CHADL: variants seen among roughly 807,000 people sequenced by gnomAD.
CHADL encodes the protein chondroadherin like.
In CHADL, 48 loss-of-function variants were observed where a neutral mutation model predicts 52.1. The observed-to-expected ratio is 0.92, with a 90% CI of 0.73 to 1.17. The LOEUF is 1.17. Among genes scored for constraint, CHADL ranks in the 50% most tolerant of loss-of-function variants. The pLI, the probability that CHADL is intolerant of heterozygous loss-of-function variation, is 0.00. For synonymous variants in CHADL, 498 were observed against 511.2 expected, an observed-to-expected ratio of 0.97 and a Z score of 0.35; for missense variants, 977 against 1,035.1, an observed-to-expected ratio of 0.94 and a Z score of 0.77.
intron 5 of CHADL, chr22:41,230,082 C>T: frequency 2.6e-6 from 2 of 767,448 alleles, no homozygotes; most frequent in Non-Finnish European, 2.1e-6. Context: ...CTCCTCCGCC[C>T]CCACCCCTCC....
At position 41,237,469 on chromosome 22, in the gene CHADL, G is replaced by C. The variant is rs778853105; in HGVS notation, c.1603C>G (p.Arg535Gly). Residue 535 changes from arginine to glycine, a missense_variant, in exon 3 of 6, where the codon CGC (arginine) becomes GGC (glycine). Transcript: ENST00000216241. Reference sequence around the variant, plus strand: ...CTCCCCAGGTCCCCAGGTGCCAGGCGGTCCACAGCGTTGTCCTGCAGGTGC... The same window carrying C: ...CTCCCCAGGTCCCCAGGTGCCAGGCCGTCCACAGCGTTGTCCTGCAGGTGC... ...SLHLQDNAVD[R>G]LAPGDLGRTR... The C allele has an allele frequency of 2.6e-6, 4 of 1,550,384 alleles. No homozygotes were observed. In the African/African-American group the frequency reaches 4.1e-5, roughly 16 times the overall value.
chr22:41,239,602 A>G lies in CHADL; in HGVS notation c.27T>C (p.His9=), dbSNP rs2032825171. 2 of 1,538,306 alleles carry G rather than the reference A, an allele frequency of 1.3e-6. No individual in the cohort carries two copies. Among genetic ancestry groups the G allele is most frequent in the Non-Finnish European group, 1.8e-6 (2 of 1,140,486 alleles). Residue 9 remains histidine, a synonymous_variant, in exon 2 of 6, where the codon CAT becomes CAC. Transcript: ENST00000216241. MEGPRSST[H]VPLVLPLLVL... is the part of the protein sequence containing the mutation. ...CAAGAAGCGGCAGCACCAAGGGGAC[A>G]TGGGTGGAGCTCCGGGGCCTGGGAC... is the stretch of plus-strand genomic sequence containing the variant.
At position 41,236,618 on chromosome 22, in the gene CHADL, G is replaced by A. The variant is rs764463707; in HGVS notation, c.1929C>T (p.Pro643=). 1.8e-5 allele frequency: 28 copies of A among 1,550,148 alleles called. No homozygotes were observed. The highest frequency in any genetic ancestry group is 2.4e-5 in the Non-Finnish European group (28 of 1,146,960). ...ICPGAFSGLG[P]GLQSLHLQKN... ...TCTGCAGGTGCAGGCTCTGGAGCCC[G>A]GGCCCCAGGCCTGAAAAGGCCCCAG... Residue 643 remains proline (P), a synonymous_variant, in exon 4 of 6, where the codon CCC becomes CCT. Transcript: ENST00000216241.
At chr22:41,233,435 C>T (rs929019892) in intron 5 of CHADL, among the ~76,000 whole-genome samples, 4 of 151,910 alleles carry the variant, frequency 2.6e-5, no homozygotes, top group African/African-American at 7.3e-5. Flanking sequence ...GCACTCCAGC[C>T]TGGGCAACAA....
At chr22:41,230,401 C>G in intron 5 of CHADL, 1 of 638,802 alleles carries the variant, frequency 1.6e-6, no homozygotes, top group Non-Finnish European at 2.8e-6. Flanking sequence ...GGTGGAGGAC[C>G]TGCTGGGGTC....
Position 41,235,311 on chromosome 22 carries a change from GC to G in CHADL, c.2095del (p.Ala699ProfsTer14), listed in dbSNP as rs1175084450. 1.3e-6 allele frequency: 2 copies of G among 1,550,928 alleles called. No individual in the cohort carries two copies. Among genetic ancestry groups the G allele is most frequent in the African/African-American group, 2.7e-5 (2 of 73,174 alleles). ...WLTGLNLRVG[A>X]TCATPPNARG... The stretch of plus-strand genomic sequence containing the variant: ...GGCATTGGGAGGGGTGGCGCAGGTG[GC>G]CCCCACCCGCAGGTTCAGCCCAGTA... On this transcript the variant is annotated frameshift_variant, in exon 5 of 6. Coordinates refer to ENST00000216241, the MANE Select transcript of CHADL (RefSeq NM_138481.2). LOFTEE classifies it high-confidence loss of function.
At position 41,235,419 on chromosome 22, in the gene CHADL, G is replaced by A; in HGVS notation, c.2064-76C>T. On this transcript the variant is annotated intron_variant, in intron 4 of 5. Coordinates refer to ENST00000216241, the MANE Select transcript of CHADL (RefSeq NM_138481.2). Reference sequence around the variant, plus strand: ...GGCCTGGAGCAGGTGGGCACTGGGTGTGGGGCAGGGTTGGTGCAGAAGGCA... The same window carrying A: ...GGCCTGGAGCAGGTGGGCACTGGGTATGGGGCAGGGTTGGTGCAGAAGGCA... 5.8e-6 allele frequency: 7 copies of A among 1,204,984 alleles called. No individual in the cohort carries two copies. The South Asian group carries it at 8.1e-5, about 14-fold the overall frequency. 74.6% of individuals were successfully genotyped at this position (1,204,984 alleles called of 1,614,324 possible).
rs774171592 is a variant in CHADL at position 41,236,580 on chromosome 22, C to G, written c.1967G>C (p.Arg656Pro). The change falls in exon 4 of 6, where the codon CGG (arginine) becomes CCG (proline). Residue 656 changes from arginine (R) to proline (P), a missense_variant. Transcript: ENST00000216241. ...QSLHLQKNQLRALPALPSLSQ... is the reference protein window; with the variant it reads ...QSLHLQKNQLPALPALPSLSQ... ...GAGACTGGGCAGGGCAGGCAGGGCC[C>G]GAAGCTGGTTCTTCTGCAGGTGCAG... 3.2e-6 allele frequency: 5 copies of G among 1,551,098 alleles called. No individual in the cohort carries two copies. The highest frequency in any genetic ancestry group is 4.9e-5 in the East Asian group (2 of 40,910).
In CHADL at chr22:41,238,990, AT is replaced by A; in HGVS notation, c.187-106del. 7.2e-7 allele frequency: 1 copy of A among 1,388,258 alleles called. No individual in the cohort carries two copies. Among genetic ancestry groups the A allele is most frequent in the Non-Finnish European group, 9.5e-7 (1 of 1,050,964 alleles). 86.0% of individuals were successfully genotyped at this position (1,388,258 alleles called of 1,614,324 possible). ...TCTTTTCTCCTGTCACCTTTCCCAT[AT>A]TTCTCTTCATCCGACCCCTGACACC... On this transcript the variant is annotated intron_variant, in intron 2 of 5. Transcript: ENST00000216241. This position sits in a 1 kb window ranked among gnomAD's most constrained non-coding sequence, Gnocchi z 4.9.
intron 5 of CHADL, among the ~76,000 whole-genome samples, chr22:41,232,129 G>A (rs563489739): frequency 5.9e-5 from 9 of 151,582 alleles, no homozygotes; most frequent in Admixed American, 2.6e-4. Context: ...TCAGGAGATC[G>A]AGACCATCCT....
In CHADL at chr22:41,238,747, G is replaced by A. The variant is rs772745296; in HGVS notation, c.325C>T (p.Leu109=). 22 of 1,548,838 alleles carry A rather than the reference G, an allele frequency of 1.4e-5. 1 individual carries two copies. Among genetic ancestry groups the A allele is most frequent in the South Asian group, 1.2e-5 (1 of 84,026 alleles). Residue 109 remains leucine (L), a synonymous_variant, in exon 3 of 6, where the codon CTG becomes TTG. Transcript: ENST00000216241. This position sits in a 1 kb window ranked among gnomAD's most constrained non-coding sequence, Gnocchi z 4.9. ...ELVAEGAFRG[L]GRLLLLNLAS... ...AGGTTGAGCAGGAGCAGGCGGCCCA[G>A]GCCACGGAAGGCGCCCTCGGCCACC...
At chr22:41,230,115 C>T (rs370692123) in intron 5 of CHADL, 5 of 1,250,246 alleles carry the variant, frequency 4.0e-6, no homozygotes, top group African/African-American at 3.0e-5. Context: ...CTCGCCCACC[C>T]ACCCGCCTCC....
At position 41,237,903 on chromosome 22, in the gene CHADL, TC is replaced by T; in HGVS notation, c.1168del (p.Glu390SerfsTer43). 2 of 1,343,398 alleles carry T rather than the reference TC, an allele frequency of 1.5e-6. No homozygotes were observed. The highest frequency in any genetic ancestry group is 1.9e-6 in the Non-Finnish European group (2 of 1,053,864). 83.2% of individuals were successfully genotyped at this position (1,343,398 alleles called of 1,614,324 possible). A position where few individuals can be genotyped will look rare whatever the true frequency, so the allele number is the denominator to read the frequency against. ...PRGPPRGPGE[E>X]RAVAPCPRAC... ...GCGAGGGCAAGGCGCGACTGCCCGC[TC>T]CTCCCCGGGGCCGCGCGGAGGGCCG... On this transcript the variant is annotated frameshift_variant, in exon 3 of 6. Coordinates refer to ENST00000216241, the MANE Select transcript of CHADL (RefSeq NM_138481.2). LOFTEE classifies it high-confidence loss of function.
In CHADL at chr22:41,238,023, A is replaced by C; in HGVS notation, c.1049T>G (p.Leu350Arg). Residue 350 changes from leucine to arginine, a missense_variant, in exon 3 of 6, where the codon CTG becomes CGG. Coordinates refer to ENST00000216241, the MANE Select transcript of CHADL (RefSeq NM_138481.2). This position sits in a 1 kb window ranked among gnomAD's most constrained non-coding sequence, Gnocchi z 4.9. ...RRLRGEALDALRPWDLRCPGD... is the reference protein window; with the variant it reads ...RRLRGEALDARRPWDLRCPGD... The stretch of plus-strand genomic sequence containing the variant: ...AGGGCAGCGCAGGTCCCAGGGCCGC[A>C]GGGCGTCCAGAGCCTCGCCCCGCAG... The C allele has an allele frequency of 7.8e-7, 1 of 1,283,256 alleles. No homozygotes were observed. Among genetic ancestry groups the C allele is most frequent in the Non-Finnish European group, 9.8e-7 (1 of 1,021,604 alleles). The allele number at this position is 1,283,256 out of a possible 1,614,324, so 79.5% of individuals were successfully genotyped here.
At position 41,238,963 on chromosome 22, in the gene CHADL, A is replaced by T. The variant is rs777143996; in HGVS notation, c.187-78T>A. ...GCAAGTGCTGCTTCTTCCCCGGAAC[A>T]CTCTTTTCTCCTGTCACCTTTCCCA... On this transcript the variant is annotated intron_variant, in intron 2 of 5. Transcript: ENST00000216241. This position sits in a 1 kb window ranked among gnomAD's most constrained non-coding sequence, Gnocchi z 4.9. 4 of 1,443,212 alleles carry T rather than the reference A, an allele frequency of 2.8e-6. No individual in the cohort carries two copies. The highest frequency in any genetic ancestry group is 3.7e-6 in the Non-Finnish European group (4 of 1,092,362). 89.4% of individuals were successfully genotyped at this position (1,443,212 alleles called of 1,614,324 possible). A position where few individuals can be genotyped will look rare whatever the true frequency, so the allele number is the denominator to read the frequency against.
At chr22:41,237,050 CA>C (rs1206724763) in intron 3 of CHADL, 125 bp downstream of exon 3, 1 of 1,025,674 alleles carries the variant, frequency 9.7e-7, no homozygotes, top group East Asian at 2.6e-5. Context: ...TGGTTTATCT[CA>C]GGGTCCCCGT....
rs367639324 is a variant in CHADL, at chr22:41,232,293, C to T, written c.2263-2563G>A. On this transcript the variant is annotated intron_variant, in intron 5 of 5. Coordinates refer to ENST00000216241, the MANE Select transcript of CHADL (RefSeq NM_138481.2). The stretch of plus-strand genomic sequence containing the variant: ...GTGGCAATGAGCCGAGATTGCACCA[C>T]TGCACTCCAGCCTGAGCAACAGAGC... Among the ~76,000 whole-genome samples, 6 of 150,938 alleles carry T rather than the reference C, an allele frequency of 4.0e-5. No homozygotes were observed. The East Asian group carries it at 1.2e-3, about 29-fold the overall frequency.
At position 41,230,125 on chromosome 22, in the gene CHADL, C is replaced by A. The variant is rs1416621805; in HGVS notation, c.2263-395G>T. The A allele has an allele frequency of 3.3e-6, 5 of 1,523,248 alleles. No homozygotes were observed. In the Admixed American group the frequency reaches 6.8e-5, roughly 21 times the overall value. 94.4% of individuals were successfully genotyped at this position (1,523,248 alleles called of 1,614,324 possible). On this transcript the variant is annotated intron_variant, in intron 5 of 5. Coordinates refer to ENST00000216241, the MANE Select transcript of CHADL (RefSeq NM_138481.2). ...ATTTACTCGCCCACCCACCCGCCTC[C>A]CCTCCCTCTTCAGTCATTGCTGTGC...
intron 5 of CHADL, chr22:41,230,274 T>C: frequency 6.3e-7 from 1 of 1,583,522 alleles, no homozygotes; most frequent in South Asian, 1.1e-5. Context: ...CCAGCCTGGC[T>C]TCTAGCTGGA....
Sources: gnomAD v4.1 joint callset for allele counts (sites outside exome capture counted in the v4.1 genomes callset) on GRCh38, gnomAD v4.1.1 for gene constraint, Gnocchi (gnomAD v3.1) non-coding constraint, MANE v1.5 for transcripts, NCBI Gene and HGNC (gene_info 2026-07-23, HGNC 2026-07-21) for gene names.